The following LAMA2 variants were observed in gnomAD, a reference collection of about 807,000 sequenced individuals.
LAMA2 encodes the protein laminin subunit alpha 2, also known as laminin subunit alpha-2.
Under a neutral mutation model 364.8 loss-of-function variants are expected in LAMA2, and 269 were observed. The observed-to-expected ratio is 0.74, with a 90% confidence interval of 0.67 to 0.82. The LOEUF is 0.82. Among genes scored for constraint, LAMA2 ranks in the 40% least tolerant of loss-of-function variants. The pLI is 0.00. For synonymous variants in LAMA2, 1,379 were observed against 1,370.6 expected (o/e 1.01, Z -0.14); for missense variants, 3,807 against 3,873.2 (o/e 0.98, Z 0.45).
At chr6:128,893,952 T>C (rs1562804699) in intron 1 of LAMA2, among the ~76,000 whole-genome samples, 1 of 152,196 alleles carries the variant, frequency 6.6e-6, no homozygotes, top group East Asian at 1.9e-4. Flanking sequence ...GTTATTTTAG[T>C]TTAAATTATT....
intron 12 of LAMA2, among the ~76,000 whole-genome samples, chr6:129,212,309 T>C (rs1783152699): frequency 6.6e-6 from 1 of 152,210 alleles, no homozygotes. Context: ...TGGAAAGAAC[T>C]TGAGCAGGAC....
intron 34 of LAMA2, among the ~76,000 whole-genome samples, chr6:129,371,606 T>TC (rs1778083815): frequency 8.1e-6 from 1 of 124,000 alleles, no homozygotes; most frequent in Non-Finnish European, 1.8e-5. Flanking sequence ...AAAAAGTATT[T>TC]CTTTTTTTTT....
chr6:129,146,534 A>G (rs1778463148), intron 5 of LAMA2, among the ~76,000 whole-genome samples: 1 of 152,042 alleles, frequency 6.6e-6, no homozygotes, highest in Non-Finnish European at 1.5e-5. Flanking sequence ...TTCTTTTCAA[A>G]TCCATCAAGT....
chr6:129,087,703 C>T (rs1440051471), intron 3 of LAMA2, among the ~76,000 whole-genome samples: 2 of 151,616 alleles, frequency 1.3e-5, no homozygotes, highest in South Asian at 2.1e-4. Flanking sequence ...ATAATAACTC[C>T]TGAGAGTGAT....
chr6:129,098,397 C>A lies in LAMA2; in HGVS notation c.621C>A (p.His207Gln). ...GCACTTCATTTTACTCCAAGATACA[C>A]CCCTTAGAAAATGGAGAGGTAAGAT... ...VICTSFYSKI[H>Q]PLENGEIHIS... is the part of the protein sequence containing the mutation. The change falls in exon 4 of 65, where the codon CAC becomes CAA. Residue 207 changes from histidine (H) to glutamine (Q), a missense_variant. Transcript: ENST00000421865. 1.2e-6 allele frequency: 2 copies of A among 1,613,966 alleles called. No individual in the cohort carries two copies. The highest frequency in any genetic ancestry group is 2.2e-5 in the East Asian group (1 of 44,882).
At position 129,252,169 on chromosome 6, in the gene LAMA2, A is replaced by C; in HGVS notation, c.1970A>C (p.Glu657Ala). Residue 657 changes from glutamate to alanine, a missense_variant, in exon 14 of 65, where the codon GAA becomes GCA. This residue lies in a region of LAMA2 where 3,333 missense variants were observed against 3,345.7 expected (regional missense o/e 1.00). Transcript: ENST00000421865. ...EEHTNVLLLK[E>A]ESFTIHGTHF... is the part of the protein sequence containing the mutation. ...CATACTAATGTATTGTTACTTAAAGAAGAATCATTTACCATACATGGCACA... is the reference window on the plus strand; with the variant it reads ...CATACTAATGTATTGTTACTTAAAGCAGAATCATTTACCATACATGGCACA... 6.2e-7 allele frequency: 1 copy of C among 1,613,474 alleles called. No homozygotes were observed. Among genetic ancestry groups the C allele is most frequent in the South Asian group, 1.1e-5 (1 of 91,060 alleles).
intron 12 of LAMA2, among the ~76,000 whole-genome samples, chr6:129,215,564 T>C (rs540614187): frequency 1.3e-5 from 2 of 152,318 alleles, no homozygotes; most frequent in East Asian, 3.9e-4. Flanking sequence ...TATCATAGAA[T>C]GAATGATGGA....
chr6:129,162,718 A>T (rs1283743815), intron 8 of LAMA2, among the ~76,000 whole-genome samples: 2 of 151,994 alleles, frequency 1.3e-5, no homozygotes, highest in East Asian at 1.9e-4. Flanking sequence ...GATTTCAAAA[A>T]TTTTTTTATA....
chr6:129,046,220 C>T (rs952153894), intron 1 of LAMA2, among the ~76,000 whole-genome samples: 5 of 152,162 alleles, frequency 3.3e-5, no homozygotes, highest in African/African-American at 7.2e-5. Context: ...CTAACAGTGA[C>T]AAATAAGCAG....
chr6:129,230,999 T>C (rs1379535913), intron 12 of LAMA2, among the ~76,000 whole-genome samples: 2 of 152,108 alleles, frequency 1.3e-5, no homozygotes, highest in Non-Finnish European at 2.9e-5. Flanking sequence ...GGTAAAGTGG[T>C]ACAGTACACA....
At chr6:129,252,558 A>G (rs1417791571) in intron 14 of LAMA2, among the ~76,000 whole-genome samples, 2 of 152,208 alleles carry the variant, frequency 1.3e-5, no homozygotes, top group African/African-American at 4.8e-5. Context: ...CGATTCCTAT[A>G]TTGAGAAATG....
intron 18 of LAMA2, among the ~76,000 whole-genome samples, chr6:129,282,213 G>GTCC (rs1397272526): frequency 6.6e-6 from 1 of 152,196 alleles, no homozygotes; most frequent in Non-Finnish European, 1.5e-5. Context: ...GTTCTGGCAT[G>GTCC]TCCTACAGTG....
At chr6:129,188,431 T>A (rs887058485) in intron 10 of LAMA2, among the ~76,000 whole-genome samples, 1 of 151,894 alleles carries the variant, frequency 6.6e-6, no homozygotes, top group Non-Finnish European at 1.5e-5. Context: ...CAAATTAGAG[T>A]AAATGAAAAG....
intron 1 of LAMA2, among the ~76,000 whole-genome samples, chr6:129,008,419 T>C (rs1784561714): frequency 6.6e-6 from 1 of 152,154 alleles, no homozygotes; most frequent in Non-Finnish European, 1.5e-5. Context: ...CAAGAGAAAG[T>C]AGTCCTATGA....
intron 1 of LAMA2, among the ~76,000 whole-genome samples, chr6:128,942,023 A>T (rs1319103438): frequency 2.0e-5 from 3 of 152,210 alleles, no homozygotes; most frequent in Non-Finnish European, 4.4e-5. Flanking sequence ...GCAAAAAGCA[A>T]TCTCATTAAA....
At chr6:129,078,806 C>T (rs1192339429) in intron 3 of LAMA2, among the ~76,000 whole-genome samples, 1 of 152,148 alleles carries the variant, frequency 6.6e-6, no homozygotes, top group East Asian at 1.9e-4. Flanking sequence ...CATTCTCTCT[C>T]CCCCAGTCCC....
chr6:128,988,694 A>G (rs930632902), intron 1 of LAMA2, among the ~76,000 whole-genome samples: 4 of 152,192 alleles, frequency 2.6e-5, no homozygotes, highest in African/African-American at 7.2e-5. Flanking sequence ...TGATGGAGAG[A>G]AATTTAGTTC....
At chr6:129,069,413 AATTAT>A (rs767505983) in intron 3 of LAMA2, among the ~76,000 whole-genome samples, 18 of 148,242 alleles carry the variant, frequency 1.2e-4, no homozygotes, top group East Asian at 3.9e-4. Context: ...ACTAATATAC[AATTAT>A]ATTATTTATT....
intron 9 of LAMA2, among the ~76,000 whole-genome samples, chr6:129,167,375 T>C (rs1345977108): frequency 3.5e-5 from 5 of 142,826 alleles, no homozygotes; most frequent in African/African-American, 1.3e-4. Flanking sequence ...TGTGATAGCA[T>C]TGTTCAATTC....
Sources: gnomAD v4.1 joint callset for allele counts (sites outside exome capture counted in the v4.1 genomes callset) on GRCh38, gnomAD v4.1.1 for gene constraint, gnomAD v4.1.1 regional missense constraint, MANE v1.5 for transcripts, NCBI Gene and HGNC (gene_info 2026-07-23, HGNC 2026-07-21) for gene names.